DPP6: variants seen among roughly 807,000 people sequenced by gnomAD.
The protein encoded by DPP6 is dipeptidyl peptidase like 6.
Under a neutral mutation model 122.6 loss-of-function variants are expected in DPP6, and 69 were observed. That is an observed-to-expected ratio of 0.56 (90% CI 0.46 to 0.69). The LOEUF is 0.69. DPP6 is among the 30% of genes least tolerant of loss of function. The pLI is 0.00. For synonymous variants in DPP6, 418 were observed against 433.1 expected (o/e 0.97, Z 0.43); for missense variants, 928 against 1,116.9 (o/e 0.83, Z 2.41).
intron 1 of DPP6, among the ~76,000 whole-genome samples, chr7:153,935,707 C>G (rs544050245): frequency 2.0e-5 from 3 of 152,332 alleles, no homozygotes; most frequent in East Asian, 1.9e-4. Context: ...ACAGGGGCCC[C>G]TGGGCTCACA....
intron 1 of DPP6, among the ~76,000 whole-genome samples, chr7:154,007,344 A>G (rs1797953567): frequency 6.6e-6 from 1 of 152,214 alleles, no homozygotes; most frequent in African/African-American, 2.4e-5. Context: ...AGTGGTTTTC[A>G]AAGTTTGTTG....
chr7:154,119,166 A>G (rs2150601497), intron 1 of DPP6, among the ~76,000 whole-genome samples: 1 of 152,246 alleles, frequency 6.6e-6, no homozygotes, highest in Non-Finnish European at 1.5e-5. Flanking sequence ...CTATATACAT[A>G]TGGTTCCGAG....
At chr7:153,782,019 T>G in the DPP6 span, among the ~76,000 whole-genome samples, 2 of 126,762 alleles carry the variant, frequency 1.6e-5, no homozygotes, top group African/African-American at 6.3e-5. Context: ...CGCCTGACAT[T>G]TAATATTGAC....
At chr7:154,336,872 C>T (rs1419549820) in intron 1 of DPP6, among the ~76,000 whole-genome samples, 2 of 152,162 alleles carry the variant, frequency 1.3e-5, no homozygotes, top group Non-Finnish European at 2.9e-5. Flanking sequence ...CACAGCCTTG[C>T]ACACCTGAAC....
chr7:154,570,044 T>C (rs912608484), intron 5 of DPP6, among the ~76,000 whole-genome samples: 1 of 151,938 alleles, frequency 6.6e-6, no homozygotes, highest in Admixed American at 6.6e-5. Flanking sequence ...TAGTTCCGTA[T>C]GTATACCCAG....
intron 1 of DPP6, among the ~76,000 whole-genome samples, chr7:153,932,199 C>T (rs1446537984): frequency 1.3e-5 from 2 of 150,950 alleles, no homozygotes; most frequent in African/African-American, 4.9e-5. Context: ...TGGCTCACCA[C>T]AACCTCCACC....
chr7:154,161,312 C>T (rs1796971042), intron 1 of DPP6, among the ~76,000 whole-genome samples: 1 of 152,200 alleles, frequency 6.6e-6, no homozygotes, highest in African/African-American at 2.4e-5. Context: ...GCCTGGCCAA[C>T]ATGGTGAAAC....
At chr7:153,955,240 T>C (rs1802406383) in intron 1 of DPP6, among the ~76,000 whole-genome samples, 1 of 152,126 alleles carries the variant, frequency 6.6e-6, no homozygotes, top group Non-Finnish European at 1.5e-5. Context: ...ACCACTGTTC[T>C]TTATTGTGTC....
chr7:153,790,120 T>C, the DPP6 span, among the ~76,000 whole-genome samples: 1 of 152,150 alleles, frequency 6.6e-6, no homozygotes, highest in African/African-American at 2.4e-5. Flanking sequence ...TTTTATAAAA[T>C]AAATGAGGTA....
chr7:154,194,497 G>T (rs1307458702), intron 1 of DPP6, among the ~76,000 whole-genome samples: 4 of 152,200 alleles, frequency 2.6e-5, no homozygotes, highest in Non-Finnish European at 4.4e-5. Context: ...GAATGTGTGT[G>T]TCTCTCCTGA....
chr7:153,946,344 C>A (rs11975562), intron 1 of DPP6, among the ~76,000 whole-genome samples: 1 of 151,904 alleles, frequency 6.6e-6, no homozygotes, highest in African/African-American at 2.4e-5. Flanking sequence ...AGAGATTTCA[C>A]GGAACTGAGA....
intron 1 of DPP6, among the ~76,000 whole-genome samples, chr7:154,344,196 G>T (rs1284864144): frequency 6.6e-6 from 1 of 152,142 alleles, no homozygotes; most frequent in Admixed American, 6.5e-5. Flanking sequence ...ACCCACAATT[G>T]TCTGTTCCCA....
chr7:154,453,014 A>G (rs1361937366), intron 2 of DPP6, among the ~76,000 whole-genome samples: 1 of 152,126 alleles, frequency 6.6e-6, no homozygotes, highest in Non-Finnish European at 1.5e-5. Flanking sequence ...TATTTTCAAT[A>G]TTAAATATGT....
intron 1 of DPP6, among the ~76,000 whole-genome samples, chr7:154,135,596 TGA>T (rs1428206616): frequency 6.6e-6 from 1 of 152,112 alleles, no homozygotes; most frequent in Non-Finnish European, 1.5e-5. Flanking sequence ...GCAATTCCTG[TGA>T]GCCCACACTT....
At chr7:154,874,557 C>T (rs73728633) in intron 19 of DPP6, among the ~76,000 whole-genome samples, 5,062 of 152,324 alleles carry the variant, frequency 0.033, 256 homozygotes, top group African/African-American at 0.12. Flanking sequence ...AAGGCACACT[C>T]GACATAGAGC....
Position 154,632,228 on chromosome 7 carries a change from A to G in DPP6, c.628-5593A>G, listed in dbSNP as rs551644905. Among the ~76,000 whole-genome samples, 4 of 152,340 alleles carry G rather than the reference A, an allele frequency of 2.6e-5. No individual in the cohort carries two copies. In the East Asian group the frequency reaches 7.7e-4, roughly 29 times the overall value. ...TGGTTATAATTCACAATGTGCAGAG[A>G]AACCTTTAGGCTGAACTTAAAACAT... is the stretch of plus-strand genomic sequence containing the variant. On this transcript the variant is annotated intron_variant, in intron 5 of 25. Transcript: ENST00000377770.
chr7:154,047,412 T>G (rs1317681352), upstream of DPP6, among the ~76,000 whole-genome samples: 1 of 150,058 alleles, frequency 6.7e-6, no homozygotes, highest in Non-Finnish European at 1.5e-5. Context: ...CTAGGGGCAC[T>G]TTGGAGCAGA....
intron 1 of DPP6, among the ~76,000 whole-genome samples, chr7:154,265,172 G>A (rs930570636): frequency 2.2e-5 from 3 of 138,980 alleles, no homozygotes; most frequent in Non-Finnish European, 4.7e-5. Context: ...GATAATGATG[G>A]TGATGATAAT....
intron 1 of DPP6, among the ~76,000 whole-genome samples, chr7:153,894,327 G>A (rs1355405358): frequency 1.3e-5 from 2 of 152,074 alleles, no homozygotes; most frequent in Admixed American, 6.5e-5. Context: ...TTGGTTGTGG[G>A]AGCCAATTTT....
Sources: gnomAD v4.1 joint callset for allele counts (sites outside exome capture counted in the v4.1 genomes callset) on GRCh38, gnomAD v4.1.1 for gene constraint, MANE v1.5 for transcripts, NCBI Gene and HGNC (gene_info 2026-07-23, HGNC 2026-07-21) for gene names.